Variants in NACC2 observed in about 807,000 individuals in gnomAD.
The protein encoded by NACC2 is nucleus accumbens-associated protein 2.
A neutral mutation model predicts 25.1 loss-of-function variants in NACC2; 8 were observed. The observed-to-expected ratio is 0.32, with a 90% CI of 0.19 to 0.57. The LOEUF is 0.57. Ranked by LOEUF, NACC2 falls within the 20% of genes least tolerant of loss-of-function variation. The pLI, the probability that NACC2 is intolerant of heterozygous loss-of-function variation, is 0.89. For synonymous variants in NACC2, 435 were observed against 294.7 expected (o/e 1.48, Z -4.88); for missense variants, 644 against 650.2 (o/e 0.99, Z 0.10).
rs192760770 is a variant in NACC2, at chr9:136,083,790, C to T, written c.-60+11399G>A. 1.1e-3 allele frequency among the ~76,000 whole-genome samples: 165 copies of T among 152,368 alleles called. 1 individual carries two copies. In the East Asian group the frequency reaches 0.016, roughly 15 times the overall value. On this transcript the variant is annotated intron_variant, in intron 1 of 5. Transcript: ENST00000277554. ...ACCTCTCCACCTGTTAGTGGTGGCA[C>T]GTTCCGGCCGCCCACGACATTCATC...
At chr9:136,075,534 G>T (rs1830253468) in intron 1 of NACC2, among the ~76,000 whole-genome samples, 1 of 152,262 alleles carries the variant, frequency 6.6e-6, no homozygotes, top group Non-Finnish European at 1.5e-5. Flanking sequence ...GCGCAGCTGG[G>T]GCCAAGCCCA....
intron 1 of NACC2, among the ~76,000 whole-genome samples, chr9:136,073,489 G>A (rs1457403360): frequency 1.3e-5 from 2 of 151,628 alleles, no homozygotes; most frequent in Non-Finnish European, 3.0e-5. Flanking sequence ...GCAGTGGACA[G>A]GGGGTGTGAG....
At chr9:136,035,632 A>G (rs1221401923) in intron 2 of NACC2, among the ~76,000 whole-genome samples, 1 of 152,178 alleles carries the variant, frequency 6.6e-6, no homozygotes, top group Non-Finnish European at 1.5e-5. Context: ...CTGTAGTTAC[A>G]TGAGGATGAT....
In NACC2 at chr9:136,018,561, C is replaced by T. The variant is rs1840237816; in HGVS notation, c.887-2132G>A. On this transcript the variant is annotated intron_variant, in intron 2 of 5. Transcript: ENST00000277554. This position sits in a 1 kb window ranked among gnomAD's most constrained non-coding sequence, Gnocchi z 4.4. ...TGGCCCAGGATGAGCGTGGTACGCACTGCACCTGTCAGTCCCAGGAAGGGG... is the reference window on the plus strand; with the variant it reads ...TGGCCCAGGATGAGCGTGGTACGCATTGCACCTGTCAGTCCCAGGAAGGGG... Among the ~76,000 whole-genome samples the T allele has an allele frequency of 2.0e-5, 3 of 152,114 alleles. No homozygotes were observed. Among genetic ancestry groups the T allele is most frequent in the Non-Finnish European group, 2.9e-5 (2 of 68,006 alleles).
intron 1 of NACC2, among the ~76,000 whole-genome samples, chr9:136,074,649 T>C (rs1013290917): frequency 2.6e-5 from 4 of 151,554 alleles, no homozygotes; most frequent in African/African-American, 7.3e-5. Context: ...AAGGAACCTA[T>C]CTCTGGTTCA....
Position 136,016,439 on chromosome 9 carries a change from C to G in NACC2, c.887-10G>C. 6.2e-7 allele frequency: 1 copy of G among 1,610,746 alleles called. No homozygotes were observed. ...TCAGGCTTCTCTTGCACTGTGGGCCCAGAACCAACCTGGTCAGATGGGCAT... is the reference window on the plus strand; with the variant it reads ...TCAGGCTTCTCTTGCACTGTGGGCCGAGAACCAACCTGGTCAGATGGGCAT... On this transcript the variant is annotated splice_polypyrimidine_tract_variant and intron_variant, in intron 2 of 5. Coordinates refer to ENST00000277554, the MANE Select transcript of NACC2 (RefSeq NM_144653.5).
At chr9:136,090,208 C>T (rs578079065) in intron 1 of NACC2, among the ~76,000 whole-genome samples, 4 of 152,370 alleles carry the variant, frequency 2.6e-5, no homozygotes, top group African/African-American at 9.6e-5. Context: ...GCCCCCGAGG[C>T]AGATGCCCAG....
intron 1 of NACC2, among the ~76,000 whole-genome samples, chr9:136,067,721 G>C (rs956734139): frequency 5.3e-5 from 8 of 152,202 alleles, no homozygotes; most frequent in African/African-American, 1.9e-4. Context: ...TGTAGTCCCA[G>C]CTACGTGGAA....
At chr9:136,078,950 C>T (rs369766382) in intron 1 of NACC2, among the ~76,000 whole-genome samples, 1 of 152,246 alleles carries the variant, frequency 6.6e-6, no homozygotes, top group Non-Finnish European at 1.5e-5. Context: ...CCCTTAGCAC[C>T]GTCGCCGGCA....
At chr9:136,061,841 C>T (rs796868874) in intron 1 of NACC2, among the ~76,000 whole-genome samples, 5 of 152,202 alleles carry the variant, frequency 3.3e-5, no homozygotes, top group Admixed American at 1.3e-4. Flanking sequence ...AGTTGGTGGC[C>T]GGGCGCGGTG....
chr9:136,080,062 G>A (rs1045756810), intron 1 of NACC2, among the ~76,000 whole-genome samples: 1 of 152,222 alleles, frequency 6.6e-6, no homozygotes, highest in Admixed American at 6.5e-5. Context: ...CTGTAGTCAT[G>A]GCCCAGCTGG....
chr9:136,046,601 G>GT (rs1840729388), intron 2 of NACC2, among the ~76,000 whole-genome samples: 1 of 152,222 alleles, frequency 6.6e-6, no homozygotes, highest in South Asian at 2.1e-4. Context: ...GCTGCGGGTG[G>GT]GGGGGCTTGA....
intron 2 of NACC2, among the ~76,000 whole-genome samples, chr9:136,034,734 T>C (rs1427015204): frequency 6.6e-6 from 1 of 151,470 alleles, no homozygotes; most frequent in Non-Finnish European, 1.5e-5. Context: ...GAGTGGGGGA[T>C]ATAGGGGAAG....
intron 1 of NACC2, among the ~76,000 whole-genome samples, chr9:136,058,214 G>C (rs1051389282): frequency 2.0e-5 from 3 of 152,224 alleles, no homozygotes; most frequent in Non-Finnish European, 4.4e-5. Context: ...CCCAGGCTAT[G>C]TCCTTGGGGT....
rs913472378 is a variant in NACC2, at chr9:136,085,137, A to ATTTTTTTTTTTT, written c.-60+10040_-60+10051dup. Among the ~76,000 whole-genome samples the ATTTTTTTTTTTT allele has an allele frequency of 6.0e-5, 5 of 82,770 alleles. 1 individual carries two copies. The highest frequency in any genetic ancestry group is 1.1e-4 in the Non-Finnish European group (5 of 43,510). The allele number at this position is 82,770 out of a possible 152,430, so 54.3% of individuals were successfully genotyped here. A position where few individuals can be genotyped will look rare whatever the true frequency, so the allele number is the denominator to read the frequency against. On this transcript the variant is annotated intron_variant, in intron 1 of 5. Coordinates refer to ENST00000277554, the MANE Select transcript of NACC2 (RefSeq NM_144653.5). ...AACATAGGAAGACTCCATTTCTACA[A>ATTTTTTTTTTTT]TTTTTTTTTTTTTTTTTTTTTTTTT...
intron 1 of NACC2, among the ~76,000 whole-genome samples, chr9:136,076,866 C>T (rs546539332): frequency 3.2e-4 from 48 of 151,884 alleles, no homozygotes; most frequent in African/African-American, 1.0e-3. Flanking sequence ...AAAAATTAGC[C>T]GGGCGTGGTG....
intron 2 of NACC2, among the ~76,000 whole-genome samples, chr9:136,033,452 C>T (rs1331445330): frequency 7.0e-6 from 1 of 142,080 alleles, no homozygotes; most frequent in African/African-American, 2.5e-5. Context: ...AAGACCAGCC[C>T]AGCGAACATG....
At position 136,007,889 on chromosome 9, in the gene NACC2, G is replaced by A. The variant is rs1443939524; in HGVS notation, c.*3627C>T. 6.6e-6 allele frequency: 1 copy of A among 152,252 alleles called. No individual in the cohort carries two copies. Among genetic ancestry groups the A allele is most frequent in the Non-Finnish European group, 1.5e-5 (1 of 68,084 alleles). The allele number at this position is 152,252 out of a possible 1,614,324, so 9.4% of individuals were successfully genotyped here. On this transcript the variant is annotated 3_prime_UTR_variant, in exon 6 of 6. Transcript: ENST00000277554. ...CAGCTGTCGAATGAGGACAGGTCAG[G>A]GTCAGGCACTAGAGCCCCCTCAGAG...
chr9:136,068,919 CT>C lies in NACC2; in HGVS notation c.-59-18340del, dbSNP rs35009638. Among the ~76,000 whole-genome samples the C allele has an allele frequency of 7.2e-4, 104 of 144,638 alleles. 1 individual carries two copies. The highest frequency in any genetic ancestry group is 3.5e-3 in the Middle Eastern group (1 of 282). 94.9% of individuals were successfully genotyped at this position (144,638 alleles called of 152,430 possible). A position where few individuals can be genotyped will look rare whatever the true frequency, so the allele number is the denominator to read the frequency against. ...TTAAAAGACAGAGATTGAAAGAATACTTTTTTTTTTTTTTAAAGATGGAGTT... is the reference window on the plus strand; with the variant it reads ...TTAAAAGACAGAGATTGAAAGAATACTTTTTTTTTTTTTAAAGATGGAGTT... On this transcript the variant is annotated intron_variant, in intron 1 of 5. Coordinates refer to ENST00000277554, the MANE Select transcript of NACC2 (RefSeq NM_144653.5).
Sources: allele counts gnomAD v4.1 joint callset (sites outside exome capture counted in the v4.1 genomes callset), GRCh38; gene constraint gnomAD v4.1.1; non-coding constraint Gnocchi (gnomAD v3.1); transcripts MANE v1.5; gene names NCBI Gene and HGNC (gene_info 2026-07-23, HGNC 2026-07-21).